Variants in MYO3B observed in about 807,000 individuals in gnomAD.
MYO3B encodes myosin IIIB, also known as myosin-IIIb.
A neutral mutation model predicts 174.6 loss-of-function variants in MYO3B; 156 were observed. The observed-to-expected ratio is 0.89, with a 90% CI of 0.78 to 1.02. MYO3B has a LOEUF of 1.02. Among genes scored for constraint, MYO3B ranks in the 50% least tolerant of loss-of-function variants. The pLI is 0.00. For missense variants in MYO3B, 1,632 were observed against 1,639.4 expected, an observed-to-expected ratio of 1.00 and a Z score of 0.08; for synonymous variants, 563 against 569.1, an observed-to-expected ratio of 0.99 and a Z score of 0.15.
intron 25 of MYO3B, among the ~76,000 whole-genome samples, chr2:170,492,730 G>A (rs1337730092): frequency 6.6e-6 from 1 of 151,344 alleles, no homozygotes; most frequent in Non-Finnish European, 1.5e-5. Context: ...TGCTTCCTCT[G>A]GGGGAAAGCC....
chr2:170,612,706 T>C (rs1695197679), intron 32 of MYO3B, among the ~76,000 whole-genome samples: 1 of 152,164 alleles, frequency 6.6e-6, no homozygotes, highest in African/African-American at 2.4e-5. Context: ...GCAATGGATA[T>C]TTGCGCTCAT....
At chr2:170,261,931 A>G (rs1388590186) in intron 7 of MYO3B, among the ~76,000 whole-genome samples, 1 of 152,178 alleles carries the variant, frequency 6.6e-6, no homozygotes, top group African/African-American at 2.4e-5. Context: ...ATGTGTGTGT[A>G]TATATATGCA....
intron 7 of MYO3B, among the ~76,000 whole-genome samples, chr2:170,322,289 G>T (rs2093834147): frequency 6.6e-6 from 1 of 152,102 alleles, no homozygotes; most frequent in Admixed American, 6.6e-5. Flanking sequence ...CCCCTCAAAA[G>T]GTTGCTAGGC....
intron 7 of MYO3B, among the ~76,000 whole-genome samples, chr2:170,310,814 G>A (rs962041475): frequency 6.6e-6 from 1 of 152,226 alleles, no homozygotes; most frequent in South Asian, 2.1e-4. Context: ...AGAAAGGAAT[G>A]TCTGGGTTAA....
intron 7 of MYO3B, among the ~76,000 whole-genome samples, chr2:170,248,424 T>TA (rs1332884979): frequency 4.6e-5 from 7 of 152,336 alleles, no homozygotes; most frequent in Admixed American, 1.3e-4. Context: ...GAAACTGCAG[T>TA]AAAAAATTAC....
chr2:170,415,494 A>G (rs1361499407), intron 22 of MYO3B, among the ~76,000 whole-genome samples: 1 of 152,230 alleles, frequency 6.6e-6, no homozygotes, highest in African/African-American at 2.4e-5. Flanking sequence ...CCAAGAAGGT[A>G]GGGAATTTTT....
intron 31 of MYO3B, among the ~76,000 whole-genome samples, chr2:170,543,282 G>T (rs1690242233): frequency 6.6e-6 from 1 of 152,108 alleles, no homozygotes; most frequent in Non-Finnish European, 1.5e-5. Flanking sequence ...TTTGAGTAAG[G>T]ACCCGAGGTT....
chr2:170,629,798 C>T lies in MYO3B; in HGVS notation c.3734-21830C>T, dbSNP rs369535379. Among the ~76,000 whole-genome samples, 31 of 152,276 alleles carry T rather than the reference C, an allele frequency of 2.0e-4. No individual in the cohort carries two copies. The South Asian group carries it at 6.2e-3, about 31-fold the overall frequency. On this transcript the variant is annotated intron_variant, in intron 32 of 34. Transcript: ENST00000408978. Reference sequence around the variant, plus strand: ...CTTGGAGGCAGACATTGCAGTTAGCCAAGATTGTGCCACTGCACTCCAGCC... The same window carrying T: ...CTTGGAGGCAGACATTGCAGTTAGCTAAGATTGTGCCACTGCACTCCAGCC...
chr2:170,203,265 T>G (rs1240420805), intron 3 of MYO3B, among the ~76,000 whole-genome samples: 1 of 152,226 alleles, frequency 6.6e-6, no homozygotes, highest in Non-Finnish European at 1.5e-5. Flanking sequence ...CTATATTTTC[T>G]TTTTCCTTTT....
At chr2:170,519,613 T>C in intron 30 of MYO3B, 73 bp downstream of exon 30, 3 of 1,191,060 alleles carry the variant, frequency 2.5e-6, no homozygotes, top group Non-Finnish European at 3.7e-6. Flanking sequence ...GAAATGGTAA[T>C]GGATAATGCA....
intron 5 of MYO3B, 103 bp downstream of exon 5, chr2:170,214,931 G>T: frequency 1.2e-6 from 1 of 846,236 alleles, no homozygotes; most frequent in Non-Finnish European, 1.9e-6. Context: ...TACACCATAG[G>T]CTGAGGGACT....
chr2:170,195,805 C>T (rs558192077), intron 1 of MYO3B, among the ~76,000 whole-genome samples: 1 of 152,128 alleles, frequency 6.6e-6, no homozygotes, highest in Non-Finnish European at 1.5e-5. Flanking sequence ...AGACACACAG[C>T]CAAACAGTCA....
At chr2:170,503,399 A>G (rs985230252) in intron 28 of MYO3B, among the ~76,000 whole-genome samples, 2 of 151,700 alleles carry the variant, frequency 1.3e-5, no homozygotes, top group East Asian at 3.9e-4. Context: ...GGTAGCTACC[A>G]TGGAAGGATA....
chr2:170,199,542 G>C, intron 2 of MYO3B, 151 bp downstream of exon 2: 1 of 649,406 alleles, frequency 1.5e-6, no homozygotes, highest in South Asian at 2.8e-5. Context: ...TGAATGAAGG[G>C]ACTCCACTTG....
At chr2:170,208,953 T>G (rs2092743165) in intron 3 of MYO3B, among the ~76,000 whole-genome samples, 1 of 152,198 alleles carries the variant, frequency 6.6e-6, no homozygotes, top group Non-Finnish European at 1.5e-5. Context: ...TGGGTGATCC[T>G]CTCCTTTTAA....
Position 170,407,832 on chromosome 2 carries a change from C to A in MYO3B, c.2638C>A (p.Leu880Met). 1 of 1,614,048 alleles carries A rather than the reference C, an allele frequency of 6.2e-7. No homozygotes were observed. The highest frequency in any genetic ancestry group is 8.5e-7 in the Non-Finnish European group (1 of 1,179,894). The change falls in exon 22 of 35, where the codon CTG (leucine) becomes ATG (methionine). Residue 880 changes from leucine to methionine, a missense_variant. Physicochemically the swap from Leu to Met is conservative, Grantham distance 15. Transcript: ENST00000408978. ...TCTTCAGCAGCTCTTCTCAATCCCT[C>A]TGACCAAAACAGGTACTTGGGAACC... The part of the protein sequence containing the change: ...KLLQQLFSIP[L>M]TKTGNLAQTR...
At chr2:170,316,549 GCCA>G (rs1435762860) in intron 7 of MYO3B, among the ~76,000 whole-genome samples, 1 of 152,332 alleles carries the variant, frequency 6.6e-6, no homozygotes, top group African/African-American at 2.4e-5. Flanking sequence ...AGGATGCCAT[GCCA>G]CCTATTTTGG....
At chr2:170,313,381 A>G (rs572079950) in intron 7 of MYO3B, among the ~76,000 whole-genome samples, 1 of 152,220 alleles carries the variant, frequency 6.6e-6, no homozygotes, top group Admixed American at 6.5e-5. Context: ...CATACTAAAA[A>G]AAATAAATAA....
At chr2:170,572,259 C>A (rs1410323618) in intron 32 of MYO3B, among the ~76,000 whole-genome samples, 1 of 152,028 alleles carries the variant, frequency 6.6e-6, no homozygotes, top group Admixed American at 6.5e-5. Flanking sequence ...GAAACCCCGT[C>A]TCTACTAAAA....
Sources: gnomAD v4.1 joint callset for allele counts (sites outside exome capture counted in the v4.1 genomes callset) on GRCh38, gnomAD v4.1.1 for gene constraint, MANE v1.5 for transcripts, NCBI Gene and HGNC (gene_info 2026-07-23, HGNC 2026-07-21) for gene names.